FANCA: variants seen among roughly 807,000 people sequenced by gnomAD.
FANCA encodes the protein FA complementation group A, also known as Fanconi anemia group A protein.
Under a neutral mutation model 194.3 loss-of-function variants are expected in FANCA, and 236 were observed. That is an observed-to-expected ratio of 1.21 (90% CI 1.09 to 1.35). FANCA has a LOEUF of 1.35. FANCA is among the 40% of genes most tolerant of loss of function. FANCA has a pLI of 0.00. For missense variants in FANCA, 2,628 were observed against 1,813.9 expected, an observed-to-expected ratio of 1.45 and a Z score of -8.15; for synonymous variants, 1,014 against 715.8, an observed-to-expected ratio of 1.42 and a Z score of -6.65.
chr16:89,749,933 G>C (rs1472412378), intron 31 of FANCA, 31 bp from the exon 32 acceptor site: 3 of 1,612,532 alleles, frequency 1.9e-6, no homozygotes, highest in Non-Finnish European at 2.5e-6. Context: ...GGCACAGGAA[G>C]GCCTCGGGGC....
intron 29 of FANCA, among the ~76,000 whole-genome samples, 160 bp from the exon 30 acceptor site, chr16:89,758,865 T>C (rs986352433): frequency 3.3e-5 from 5 of 152,122 alleles, no homozygotes; most frequent in Admixed American, 2.0e-4. Flanking sequence ...GACCTCACTG[T>C]CTGCAGGGTG....
chr16:89,805,398 G>T lies in FANCA; in HGVS notation c.597-6C>A. The T allele has an allele frequency of 6.2e-7, 1 of 1,606,156 alleles. No individual in the cohort carries two copies. Among genetic ancestry groups the T allele is most frequent in the Non-Finnish European group, 8.5e-7 (1 of 1,173,030 alleles). On this transcript the variant is annotated splice_region_variant and splice_polypyrimidine_tract_variant and intron_variant, in intron 6 of 42. Transcript: ENST00000389301. ...CAGCATGCATGTCGGGATGGCTGGA[G>T]ACACACACAGAGGCAGACGTAAGGC...
intron 1 of FANCA, 84 bp downstream of exon 1, chr16:89,816,453 C>G: frequency 8.1e-7 from 1 of 1,237,192 alleles, no homozygotes; most frequent in Non-Finnish European, 1.1e-6. Flanking sequence ...CCGGCGGAGG[C>G]TCTGGCGGGA....
At position 89,783,055 on chromosome 16, in the gene FANCA, G is replaced by T. The variant is rs781524409; in HGVS notation, c.1518C>A (p.Leu506=). The part of the protein sequence containing the change: ...PPLVPGKYRS[L]LTDYISLAKT... Reference sequence around the variant, plus strand: ...TGGCCAATGAGATGTAGTCTGTGAGGAGGGAGCGGTACTTGCCGGGAACCA... The same window carrying T: ...TGGCCAATGAGATGTAGTCTGTGAGTAGGGAGCGGTACTTGCCGGGAACCA... The change falls in exon 16 of 43, where the codon CTC becomes CTA. Residue 506 remains leucine, a synonymous_variant. Coordinates refer to ENST00000389301, the MANE Select transcript of FANCA (RefSeq NM_000135.4). 18 of 1,613,894 alleles carry T rather than the reference G, an allele frequency of 1.1e-5. No individual in the cohort carries two copies. The highest frequency in any genetic ancestry group is 1.5e-5 in the Non-Finnish European group (18 of 1,179,932).
At chr16:89,741,006 C>T in intron 37 of FANCA, 140 bp from the exon 38 acceptor site, 3 of 770,136 alleles carry the variant, frequency 3.9e-6, no homozygotes, top group Non-Finnish European at 6.8e-6. Flanking sequence ...GAAAACTTTC[C>T]AATCACTTCT....
At chr16:89,750,795 C>CAA (rs148804868) in intron 31 of FANCA, among the ~76,000 whole-genome samples, 26 of 151,178 alleles carry the variant, frequency 1.7e-4, no homozygotes, top group Non-Finnish European at 3.1e-4. Context: ...AAAACAACAA[C>CAA]AAAAAAAAAC....
intron 3 of FANCA, 68 bp from the exon 4 acceptor site, chr16:89,811,139 C>T: frequency 6.2e-7 from 1 of 1,604,874 alleles, no homozygotes; most frequent in Non-Finnish European, 8.5e-7. Flanking sequence ...CAAAGACTTG[C>T]TGTTTAAAAT....
At position 89,770,137 on chromosome 16, in the gene FANCA, AGGGTGGCCCCCAT is replaced by A. The variant is rs767432534; in HGVS notation, c.2316+16_2316+28del. ...GCCTGGCCCTCAGAGTGGGCCCCCAAGGGTGGCCCCCATGAAGGAGAGCCTCACCTGGTGACGG... is the reference window on the plus strand; with the variant it reads ...GCCTGGCCCTCAGAGTGGGCCCCCAAGAAGGAGAGCCTCACCTGGTGACGG... On this transcript the variant is annotated intron_variant, in intron 25 of 42. Transcript: ENST00000389301. 1.3e-6 allele frequency: 2 copies of A among 1,571,668 alleles called. No individual in the cohort carries two copies. Among genetic ancestry groups the A allele is most frequent in the South Asian group, 1.2e-5 (1 of 86,240 alleles).
intron 30 of FANCA, among the ~76,000 whole-genome samples, chr16:89,756,165 A>G (rs1042817471): frequency 1.1e-4 from 16 of 152,250 alleles, no homozygotes; most frequent in Admixed American, 3.9e-4. Flanking sequence ...ATTCTTATGC[A>G]GTACATGAAT....
At chr16:89,809,323 G>A (rs2040788167) in intron 5 of FANCA, among the ~76,000 whole-genome samples, 1 of 152,160 alleles carries the variant, frequency 6.6e-6, no homozygotes, top group African/African-American at 2.4e-5. Context: ...CACTTCTTGT[G>A]GATTTAGTGG....
chr16:89,746,392 C>T lies in FANCA; in HGVS notation c.3513+192G>A, dbSNP rs2038390765. Among the ~76,000 whole-genome samples, 3 of 152,238 alleles carry T rather than the reference C, an allele frequency of 2.0e-5. No homozygotes were observed. The South Asian group carries it at 6.2e-4, about 32-fold the overall frequency. On this transcript the variant is annotated intron_variant, in intron 35 of 42. Coordinates refer to ENST00000389301, the MANE Select transcript of FANCA (RefSeq NM_000135.4). ...GACGGCGGTGGGGGCAGGGACGGTT[C>T]TGGGAACTCAGGATGTGCGGCCCTC...
chr16:89,756,474 C>G (rs1282526767), intron 30 of FANCA, among the ~76,000 whole-genome samples: 1 of 152,112 alleles, frequency 6.6e-6, no homozygotes, highest in African/African-American at 2.4e-5. Context: ...ACTACAACTA[C>G]AAAAATTTGC....
chr16:89,751,992 G>A (rs1330563178), intron 31 of FANCA, 146 bp downstream of exon 31: 13 of 771,400 alleles, frequency 1.7e-5, no homozygotes, highest in South Asian at 2.7e-5. Flanking sequence ...GCATGGTCTC[G>A]ATCTCCTGAC....
At chr16:89,783,898 G>A (rs1469450399) in intron 15 of FANCA, among the ~76,000 whole-genome samples, 3 of 81,600 alleles carry the variant, frequency 3.7e-5, no homozygotes, top group Admixed American at 1.3e-4. Flanking sequence ...TGAGTAGCTA[G>A]GACTACGCGC....
chr16:89,805,259 C>A lies in FANCA; in HGVS notation c.709+21G>T, dbSNP rs374368135. ...TCAAAATGAGTTTTACCCAAGAACCCGCATCTTGTCATGAACGCACCAGAA... is the reference window on the plus strand; with the variant it reads ...TCAAAATGAGTTTTACCCAAGAACCAGCATCTTGTCATGAACGCACCAGAA... On this transcript the variant is annotated intron_variant, in intron 7 of 42. Coordinates refer to ENST00000389301, the MANE Select transcript of FANCA (RefSeq NM_000135.4). The A allele has an allele frequency of 3.2e-6, 5 of 1,587,100 alleles. No individual in the cohort carries two copies. The African/African-American group carries it at 6.7e-5, about 21-fold the overall frequency.
At chr16:89,792,104 G>A (rs1384786686) in intron 12 of FANCA, 36 bp from the exon 13 acceptor site, 1 of 1,613,872 alleles carries the variant, frequency 6.2e-7, no homozygotes, top group Non-Finnish European at 8.5e-7. Context: ...CAATATCCAA[G>A]CAAACCAATG....
chr16:89,784,860 G>A lies in FANCA; in HGVS notation c.1464C>T (p.Tyr488=). The A allele has an allele frequency of 1.2e-6, 2 of 1,610,812 alleles. No individual in the cohort carries two copies. The highest frequency in any genetic ancestry group is 1.7e-6 in the Non-Finnish European group (2 of 1,176,908). ...SELVPFESPR[Y]LQVHILHPPL... ...GTGGCAGCCAGCTTCTCACCTGCAG[G>A]TACCGGGGAGACTCAAAAGGCACGA... Residue 488 remains tyrosine (Y), a synonymous_variant, in exon 15 of 43, where the codon TAC becomes TAT. Transcript: ENST00000389301.
At chr16:89,802,615 G>C (rs1044625682) in intron 8 of FANCA, among the ~76,000 whole-genome samples, 2 of 151,846 alleles carry the variant, frequency 1.3e-5, no homozygotes, top group Admixed American at 6.6e-5. Context: ...ATGTTAGCCA[G>C]GATGGTCTCG....
chr16:89,771,205 T>G (rs961285843), intron 23 of FANCA, among the ~76,000 whole-genome samples: 1 of 142,644 alleles, frequency 7.0e-6, no homozygotes, highest in Admixed American at 7.0e-5. Context: ...ATGCCTATAA[T>G]CCCAACACTT....
Sources: gnomAD v4.1 joint callset for allele counts (sites outside exome capture counted in the v4.1 genomes callset) on GRCh38, gnomAD v4.1.1 for gene constraint, MANE v1.5 for transcripts, NCBI Gene and HGNC (gene_info 2026-07-23, HGNC 2026-07-21) for gene names.